TENM2: variants seen among roughly 807,000 people sequenced by gnomAD.
TENM2 encodes the protein teneurin transmembrane protein 2, also known as teneurin-2.
In TENM2, 52 loss-of-function variants were observed where a neutral mutation model predicts 245.2. The ratio of observed to expected loss-of-function variants is 0.21; its 90% CI spans 0.17 to 0.27. TENM2 has a LOEUF of 0.27. TENM2 is among the 10% of genes least tolerant of loss of function. The probability of loss-of-function intolerance (pLI) is 1.00; values close to 1 mark genes in which losing one functional copy is unlikely to be tolerated. For missense variants in TENM2, 3,046 were observed against 3,666.8 expected, an observed-to-expected ratio of 0.83 and a Z score of 4.37; for synonymous variants, 1,363 against 1,438.9, an observed-to-expected ratio of 0.95 and a Z score of 1.19.
intron 2 of TENM2, among the ~76,000 whole-genome samples, chr5:167,423,533 A>G (rs999313716): frequency 1.3e-5 from 2 of 152,118 alleles, no homozygotes; most frequent in Non-Finnish European, 2.9e-5. Context: ...AGGGAAAGAG[A>G]CATTGAAGGA....
chr5:167,531,102 G>A (rs1210020480), intron 2 of TENM2, among the ~76,000 whole-genome samples: 1 of 152,200 alleles, frequency 6.6e-6, no homozygotes, highest in African/African-American at 2.4e-5. Flanking sequence ...ATCTTGCTAA[G>A]CATTGGAAGT....
chr5:168,249,541 C>G (rs1461154706), intron 27 of TENM2, among the ~76,000 whole-genome samples: 2 of 151,550 alleles, frequency 1.3e-5, no homozygotes, highest in East Asian at 3.9e-4. Context: ...TCAAAATGGG[C>G]CTGAAGAATT....
chr5:167,791,479 TA>T (rs1764965510), intron 2 of TENM2, among the ~76,000 whole-genome samples: 1 of 123,752 alleles, frequency 8.1e-6, no homozygotes, highest in Non-Finnish European at 1.7e-5. Context: ...TATAATTTAT[TA>T]TATATATAAT....
chr5:168,036,646 AT>A (rs11289106), intron 5 of TENM2, among the ~76,000 whole-genome samples: 30,906 of 108,628 alleles, frequency 0.28, 4,705 homozygotes, highest in East Asian at 0.41. Context: ...AAAAAAAAAT[AT>A]ATATATATAT....
At chr5:167,821,469 G>C (rs948250326) in intron 2 of TENM2, among the ~76,000 whole-genome samples, 1 of 152,114 alleles carries the variant, frequency 6.6e-6, no homozygotes, top group African/African-American at 2.4e-5. Context: ...TGTGTGACTT[G>C]TCCTTTTGGG....
At chr5:167,686,111 C>T (rs368988085) in intron 2 of TENM2, among the ~76,000 whole-genome samples, 12 of 152,224 alleles carry the variant, frequency 7.9e-5, no homozygotes, top group East Asian at 7.7e-4. Context: ...AATAAGACAG[C>T]GTGTATTGAT....
chr5:167,238,694 CAAAAAAA>C, the TENM2 span, among the ~76,000 whole-genome samples: 8 of 58,120 alleles, frequency 1.4e-4, no homozygotes, highest in Non-Finnish European at 2.5e-4. Flanking sequence ...ACAGGAGATG[CAAAAAAA>C]AAAAAAAAAA....
the TENM2 span, among the ~76,000 whole-genome samples, chr5:167,121,109 T>G: frequency 1.3e-5 from 2 of 152,290 alleles, no homozygotes; most frequent in African/African-American, 4.8e-5. Context: ...GAGAAAGATG[T>G]GTCCAGGTTG....
the TENM2 span, among the ~76,000 whole-genome samples, chr5:166,993,256 T>C: frequency 3.1e-3 from 466 of 152,248 alleles, 2 homozygotes; most frequent in African/African-American, 0.011. Context: ...AGAGCTATTT[T>C]ATGGATATTT....
intron 12 of TENM2, among the ~76,000 whole-genome samples, chr5:168,156,085 GAAAAT>G (rs988491998): frequency 2.8e-4 from 43 of 151,714 alleles, no homozygotes; most frequent in Non-Finnish European, 5.4e-4. Flanking sequence ...TATTGGAAGA[GAAAAT>G]AAATAAGATT....
At chr5:167,212,186 A>C in the TENM2 span, among the ~76,000 whole-genome samples, 1 of 152,186 alleles carries the variant, frequency 6.6e-6, no homozygotes, top group African/African-American at 2.4e-5. Context: ...ATGAGAGGGA[A>C]GTGAAACAGC....
intron 2 of TENM2, among the ~76,000 whole-genome samples, chr5:167,863,481 ACACAC>A (rs1561869381): frequency 7.3e-5 from 11 of 151,520 alleles, no homozygotes; most frequent in African/African-American, 2.4e-4. Flanking sequence ...ACACACACAC[ACACAC>A]ACACAAAATT....
chr5:167,782,808 A>G (rs1341839433), intron 2 of TENM2, among the ~76,000 whole-genome samples: 1 of 152,220 alleles, frequency 6.6e-6, no homozygotes, highest in Non-Finnish European at 1.5e-5. Flanking sequence ...CAGGAAAGAA[A>G]TGAACATTAT....
chr5:167,131,796 T>A, the TENM2 span, among the ~76,000 whole-genome samples: 1 of 152,032 alleles, frequency 6.6e-6, no homozygotes, highest in African/African-American at 2.4e-5. Context: ...CCCTTCTCTT[T>A]GGTGTTTTTT....
chr5:167,044,145 A>G, the TENM2 span, among the ~76,000 whole-genome samples: 1 of 152,186 alleles, frequency 6.6e-6, no homozygotes, highest in Non-Finnish European at 1.5e-5. Context: ...ACTGGCAGAC[A>G]GAAGACATAG....
At chr5:167,617,732 C>T (rs1215834983) in intron 2 of TENM2, among the ~76,000 whole-genome samples, 1 of 152,124 alleles carries the variant, frequency 6.6e-6, no homozygotes, top group African/African-American at 2.4e-5. Context: ...ACATTGTCTT[C>T]ACGGGCATTT....
chr5:167,006,914 A>G, the TENM2 span, among the ~76,000 whole-genome samples: 12 of 152,164 alleles, frequency 7.9e-5, no homozygotes, highest in African/African-American at 2.9e-4. Context: ...TGATTCACCC[A>G]CCTCGGCCTC....
chr5:166,987,969 C>G, the TENM2 span, among the ~76,000 whole-genome samples: 1 of 152,064 alleles, frequency 6.6e-6, no homozygotes, highest in Non-Finnish European at 1.5e-5. Context: ...GATTTACTTT[C>G]CAAAACTTAT....
the TENM2 span, among the ~76,000 whole-genome samples, chr5:167,139,148 T>C: frequency 6.6e-6 from 1 of 152,208 alleles, no homozygotes; most frequent in Non-Finnish European, 1.5e-5. Flanking sequence ...ATCAGGTAAG[T>C]AGAAGTTAGT....
Sources: gnomAD v4.1 joint callset for allele counts (sites outside exome capture counted in the v4.1 genomes callset) on GRCh38, gnomAD v4.1.1 for gene constraint, MANE v1.5 for transcripts, NCBI Gene and HGNC (gene_info 2026-07-23, HGNC 2026-07-21) for gene names.